The following CA10 variants were observed in gnomAD, a reference collection of about 807,000 sequenced individuals.
CA10 encodes the protein carbonic anhydrase 10 (inactive).
Under a neutral mutation model 44.2 loss-of-function variants are expected in CA10, and 14 were observed. That is an observed-to-expected ratio of 0.32 (90% confidence interval 0.21 to 0.50). The LOEUF is 0.50. Among genes scored for constraint, CA10 ranks in the 20% least tolerant of loss-of-function variants. The pLI is 0.99. For missense variants in CA10, 350 were observed against 409.7 expected (o/e 0.85, Z 1.26); for synonymous variants, 159 against 141.6 (o/e 1.12, Z -0.87).
chr17:51,786,986 TG>T (rs1906314387), intron 3 of CA10, among the ~76,000 whole-genome samples: 1 of 152,232 alleles, frequency 6.6e-6, no homozygotes, highest in East Asian at 1.9e-4. Context: ...CTGATTGATT[TG>T]GTAGGTTGAA....
chr17:51,769,868 A>G (rs1454955906), intron 3 of CA10, among the ~76,000 whole-genome samples: 1 of 152,138 alleles, frequency 6.6e-6, no homozygotes, highest in Non-Finnish European at 1.5e-5. Context: ...GCCACAGGCA[A>G]TGATCAAATA....
chr17:51,764,121 A>T (rs2143642906), intron 3 of CA10, among the ~76,000 whole-genome samples: 1 of 152,242 alleles, frequency 6.6e-6, no homozygotes, highest in Non-Finnish European at 1.5e-5. Context: ...CATGAAAAAA[A>T]TGTGCATCTT....
chr17:52,014,445 A>C (rs1371544240), intron 2 of CA10, among the ~76,000 whole-genome samples: 1 of 152,146 alleles, frequency 6.6e-6, no homozygotes, highest in East Asian at 1.9e-4. Flanking sequence ...TTGGATCCCT[A>C]CTTCATATTA....
At chr17:51,654,205 C>T (rs990658164) in intron 4 of CA10, among the ~76,000 whole-genome samples, 3 of 152,190 alleles carry the variant, frequency 2.0e-5, no homozygotes, top group Middle Eastern at 3.2e-3. Context: ...TGAAACTGGC[C>T]AGCCTGCAAG....
chr17:52,093,267 A>C (rs977858234), intron 1 of CA10, among the ~76,000 whole-genome samples: 1 of 152,162 alleles, frequency 6.6e-6, no homozygotes, highest in Non-Finnish European at 1.5e-5. Flanking sequence ...GAATTAACCA[A>C]CTCATAGAAT....
intron 1 of CA10, among the ~76,000 whole-genome samples, chr17:52,154,684 T>TCTGATATA (rs1989768233): frequency 6.6e-6 from 1 of 152,162 alleles, no homozygotes; most frequent in South Asian, 2.1e-4. Context: ...AAAAGTGAGA[T>TCTGATATA]CTGAGTTTAA....
intron 2 of CA10, among the ~76,000 whole-genome samples, chr17:52,062,214 C>A (rs1259359913): frequency 6.6e-6 from 1 of 151,810 alleles, no homozygotes. Context: ...ATTACAGGCA[C>A]CCACCACCAT....
At chr17:51,732,137 T>C (rs8072142) in intron 4 of CA10, among the ~76,000 whole-genome samples, 102,109 of 152,066 alleles carry the variant, frequency 0.67, 34,346 homozygotes, top group Admixed American at 0.74. Context: ...GAAGCTAATG[T>C]TAACGCCTGA....
At chr17:51,981,617 A>T (rs1003420642) in intron 2 of CA10, among the ~76,000 whole-genome samples, 8 of 152,022 alleles carry the variant, frequency 5.3e-5, no homozygotes, top group African/African-American at 1.9e-4. Context: ...ACTTGTCAAA[A>T]TTCACTGAAT....
At chr17:51,666,135 A>G (rs1413205249) in intron 4 of CA10, among the ~76,000 whole-genome samples, 1 of 152,232 alleles carries the variant, frequency 6.6e-6, no homozygotes, top group Non-Finnish European at 1.5e-5. Flanking sequence ...ACAAACCCGT[A>G]TGTGTTTCCC....
intron 2 of CA10, among the ~76,000 whole-genome samples, chr17:51,970,698 TCA>T (rs1984251353): frequency 6.6e-6 from 1 of 152,124 alleles, no homozygotes; most frequent in Non-Finnish European, 1.5e-5. Flanking sequence ...AAGCTATTCT[TCA>T]CAGATTCTTT....
intron 2 of CA10, among the ~76,000 whole-genome samples, chr17:51,961,188 A>ACACAC (rs1983875510): frequency 2.1e-5 from 3 of 145,004 alleles, no homozygotes; most frequent in Admixed American, 6.9e-5. Context: ...TGTACACACA[A>ACACAC]ACACACACAC....
At chr17:51,897,309 C>A (rs748255964) in intron 3 of CA10, among the ~76,000 whole-genome samples, 1 of 152,066 alleles carries the variant, frequency 6.6e-6, no homozygotes, top group Non-Finnish European at 1.5e-5. Context: ...TATCCCAACA[C>A]CATTTATTGA....
At chr17:51,902,037 T>G (rs902963101) in intron 3 of CA10, among the ~76,000 whole-genome samples, 5 of 152,148 alleles carry the variant, frequency 3.3e-5, no homozygotes, top group African/African-American at 1.2e-4. Context: ...GGTAAAACTA[T>G]GTGTAGTTTT....
At chr17:51,784,221 T>C (rs905275672) in intron 3 of CA10, among the ~76,000 whole-genome samples, 4 of 152,156 alleles carry the variant, frequency 2.6e-5, no homozygotes, top group African/African-American at 7.2e-5. Context: ...CCCATGGAGC[T>C]GGCAAACCCA....
chr17:51,778,084 A>G (rs1225421180), intron 3 of CA10, among the ~76,000 whole-genome samples: 1 of 152,216 alleles, frequency 6.6e-6, no homozygotes, highest in Non-Finnish European at 1.5e-5. Context: ...CTCCGAGTCC[A>G]AGTACCTTTT....
At chr17:52,056,873 T>G (rs552975850) in intron 2 of CA10, among the ~76,000 whole-genome samples, 2 of 152,134 alleles carry the variant, frequency 1.3e-5, no homozygotes, top group Non-Finnish European at 2.9e-5. Context: ...CAGAATGATA[T>G]AGTTGATGTA....
chr17:51,648,791 G>C (rs113697481), intron 6 of CA10, among the ~76,000 whole-genome samples: 35 of 152,206 alleles, frequency 2.3e-4, no homozygotes, highest in African/African-American at 7.5e-4. Context: ...CTAGCCGAGG[G>C]CTTCTGTAAA....
chr17:51,961,875 C>T (rs767637504), intron 2 of CA10, among the ~76,000 whole-genome samples: 11 of 152,074 alleles, frequency 7.2e-5, no homozygotes, highest in African/African-American at 1.7e-4. Context: ...TTCAAAGCAC[C>T]GGCTCACCCG....
Sources: gnomAD v4.1 joint callset for allele counts (sites outside exome capture counted in the v4.1 genomes callset) on GRCh38, gnomAD v4.1.1 for gene constraint, MANE v1.5 for transcripts, NCBI Gene and HGNC (gene_info 2026-07-23, HGNC 2026-07-21) for gene names.